KAT6B: variants seen among roughly 807,000 people sequenced by gnomAD.
KAT6B encodes lysine acetyltransferase 6B, also known as histone acetyltransferase KAT6B.
In KAT6B, 10 loss-of-function variants were observed where a neutral mutation model predicts 187.5. That is an observed-to-expected ratio of 0.05 (90% confidence interval 0.03 to 0.09). The LOEUF is 0.09. Ranked by LOEUF, KAT6B falls within the 10% of genes least tolerant of loss-of-function variation. The pLI, the probability that KAT6B is intolerant of heterozygous loss-of-function variation, is 1.00. For missense variants in KAT6B, 1,952 were observed against 2,558.9 expected, an observed-to-expected ratio of 0.76 and a Z score of 5.12; for synonymous variants, 861 against 926.8, an observed-to-expected ratio of 0.93 and a Z score of 1.29.
At chr10:74,925,523 A>T (rs551343656) in intron 3 of KAT6B, among the ~76,000 whole-genome samples, 214 of 151,486 alleles carry the variant, frequency 1.4e-3, no homozygotes, top group African/African-American at 5.0e-3. Context: ...CATTTTGTAA[A>T]ACCTATGCCT....
At chr10:74,837,730 A>C (rs996438811) in intron 1 of KAT6B, among the ~76,000 whole-genome samples, 11 of 152,254 alleles carry the variant, frequency 7.2e-5, no homozygotes, top group Non-Finnish European at 1.5e-4. Flanking sequence ...GAAACAAATC[A>C]GCCTAAGATT....
At chr10:74,846,322 A>G (rs538460886) in intron 3 of KAT6B, among the ~76,000 whole-genome samples, 10 of 152,348 alleles carry the variant, frequency 6.6e-5, no homozygotes, top group Non-Finnish European at 1.5e-5. Context: ...CTTCTTAATA[A>G]CATTTGTTTA....
intron 13 of KAT6B, among the ~76,000 whole-genome samples, chr10:74,997,624 G>T (rs1428953802): frequency 6.6e-6 from 1 of 152,058 alleles, no homozygotes; most frequent in Non-Finnish European, 1.5e-5. Context: ...TGCAAATTTA[G>T]TAACTGCAAG....
chr10:74,926,282 C>T (rs545941704), intron 3 of KAT6B, among the ~76,000 whole-genome samples: 14 of 152,258 alleles, frequency 9.2e-5, no homozygotes, highest in Middle Eastern at 3.4e-3. Context: ...GGCAAAACCC[C>T]GTCTCTACTA....
In KAT6B at chr10:74,986,875, C is replaced by T. The variant is rs1258936434; in HGVS notation, c.2535+1634C>T. 4.6e-5 allele frequency among the ~76,000 whole-genome samples: 7 copies of T among 152,284 alleles called. No individual in the cohort carries two copies. In the East Asian group the frequency reaches 1.2e-3, roughly 25 times the overall value. ...TAGGCTTAACGGTGCCCACCTTCCTCGTGCTGCACTGACCATCCCACTCCT... is the reference window on the plus strand; with the variant it reads ...TAGGCTTAACGGTGCCCACCTTCCTTGTGCTGCACTGACCATCCCACTCCT... On this transcript the variant is annotated intron_variant, in intron 12 of 17. Transcript: ENST00000287239.
At chr10:74,944,062 A>C (rs542601452) in intron 3 of KAT6B, among the ~76,000 whole-genome samples, 1 of 152,302 alleles carries the variant, frequency 6.6e-6, no homozygotes, top group East Asian at 1.9e-4. Flanking sequence ...CCTTGGTATT[A>C]AGGCTTTTGA....
chr10:75,026,814 C>T (rs1448638453), intron 17 of KAT6B, among the ~76,000 whole-genome samples: 2 of 152,000 alleles, frequency 1.3e-5, no homozygotes, highest in Non-Finnish European at 2.9e-5. Context: ...CAACAAAAGC[C>T]GGTAGGTCCA....
rs766064284 is a variant in KAT6B at position 74,843,466 on chromosome 10, T to C, written c.609T>C (p.His203=). Residue 203 remains histidine, a synonymous_variant, in exon 3 of 18, where the codon CAT becomes CAC. Coordinates refer to ENST00000287239, the MANE Select transcript of KAT6B (RefSeq NM_012330.4). ...SSLPPVSLLP[H]EKDQPRADPI... ...TCCCACCTGTCAGCCTTCTACCCCA[T>C]GAGAAAGACCAGGTAAGCGAAGGAG... 9 of 1,612,080 alleles carry C rather than the reference T, an allele frequency of 5.6e-6. No individual in the cohort carries two copies. Among genetic ancestry groups the C allele is most frequent in the Middle Eastern group, 1.8e-4 (1 of 5,638 alleles).
chr10:74,893,568 C>T (rs1774964146), intron 3 of KAT6B, among the ~76,000 whole-genome samples: 1 of 151,608 alleles, frequency 6.6e-6, no homozygotes, highest in African/African-American at 2.4e-5. Flanking sequence ...CTCTGGGGTT[C>T]AAGCGATTCT....
intron 13 of KAT6B, among the ~76,000 whole-genome samples, chr10:75,010,532 T>C (rs540231096): frequency 2.2e-4 from 34 of 152,310 alleles, no homozygotes; most frequent in African/African-American, 8.2e-4. Flanking sequence ...ACATACTTTG[T>C]CCTATTTTTA....
intron 3 of KAT6B, among the ~76,000 whole-genome samples, chr10:74,886,984 G>A (rs552032824): frequency 1.3e-5 from 2 of 152,308 alleles, no homozygotes; most frequent in South Asian, 4.1e-4. Context: ...GCAGTGGGGA[G>A]CAGAATGCAG....
intron 3 of KAT6B, among the ~76,000 whole-genome samples, chr10:74,906,265 T>TG: frequency 6.6e-6 from 1 of 152,150 alleles, no homozygotes; most frequent in East Asian, 1.9e-4. Context: ...CTGGACGTGG[T>TG]GGTGCACTCC....
intron 13 of KAT6B, among the ~76,000 whole-genome samples, chr10:75,019,083 G>A (rs1845197415): frequency 6.6e-6 from 1 of 152,156 alleles, no homozygotes; most frequent in South Asian, 2.1e-4. Flanking sequence ...CGGCACAGTG[G>A]CCATCACTGT....
chr10:74,846,822 C>G (rs573925478), intron 3 of KAT6B, among the ~76,000 whole-genome samples: 50 of 152,246 alleles, frequency 3.3e-4, no homozygotes, highest in African/African-American at 1.2e-3. Flanking sequence ...ATTTGGATAT[C>G]TTTGTTTTTA....
intron 3 of KAT6B, among the ~76,000 whole-genome samples, chr10:74,904,361 TCAGTGC>T (rs1415742717): frequency 6.6e-6 from 1 of 152,232 alleles, no homozygotes; most frequent in Non-Finnish European, 1.5e-5. Context: ...TTGGTGGAAT[TCAGTGC>T]CTTATGGTTG....
chr10:74,984,915 G>C, intron 11 of KAT6B, 165 bp from the exon 12 acceptor site: 1 of 659,468 alleles, frequency 1.5e-6, no homozygotes, highest in Non-Finnish European at 2.6e-6. Flanking sequence ...GCCAGTGACA[G>C]CTGTTTTCTG....
chr10:74,917,711 T>C (rs757898618), intron 3 of KAT6B, among the ~76,000 whole-genome samples: 1 of 152,244 alleles, frequency 6.6e-6, no homozygotes, highest in Non-Finnish European at 1.5e-5. Context: ...AATAACAGTG[T>C]TGAGGCAGCA....
chr10:75,010,401 A>G (rs1287569858), intron 13 of KAT6B, among the ~76,000 whole-genome samples: 1 of 152,194 alleles, frequency 6.6e-6, no homozygotes, highest in Non-Finnish European at 1.5e-5. Context: ...TTTGAAATGT[A>G]CTTTGTTTGA....
intron 13 of KAT6B, among the ~76,000 whole-genome samples, chr10:75,011,314 T>C (rs1404552321): frequency 6.6e-6 from 1 of 152,186 alleles, no homozygotes; most frequent in Non-Finnish European, 1.5e-5. Flanking sequence ...TATCCTAGAA[T>C]TTAAAAGTGG....
Sources: gnomAD v4.1 joint callset for allele counts (sites outside exome capture counted in the v4.1 genomes callset) on GRCh38, gnomAD v4.1.1 for gene constraint, MANE v1.5 for transcripts, NCBI Gene and HGNC (gene_info 2026-07-23, HGNC 2026-07-21) for gene names.